The following SPRY3 variants were observed in gnomAD, a reference collection of about 807,000 sequenced individuals.
The protein encoded by SPRY3 is sprouty RTK signaling antagonist 3.
In SPRY3, 15 loss-of-function variants were observed where a neutral mutation model predicts 20.2. The observed-to-expected ratio is 0.74, with a 90% confidence interval of 0.50 to 1.14. SPRY3 has a LOEUF of 1.14. SPRY3 is among the 50% of genes most tolerant of loss of function. The probability of loss-of-function intolerance (pLI) is 0.00; values close to 1 mark genes in which losing one functional copy is unlikely to be tolerated. For synonymous variants in SPRY3, 143 were observed against 136.5 expected (o/e 1.05, Z -0.33); for missense variants, 364 against 363.9 (o/e 1.00, Z 0.00).
rs782250484 is a variant in SPRY3, at chrX:155,671,472, CT to C, written c.-282+14452del. Reference sequence around the variant, plus strand: ...GGGCTATGGCAAAATCTTTCTCTGTCTTTTTATGGGTCTCATTCCAAGTCCT... The same window carrying C: ...GGGCTATGGCAAAATCTTTCTCTGTCTTTTATGGGTCTCATTCCAAGTCCT... On this transcript the variant is annotated intron_variant, in intron 2 of 3. Coordinates refer to ENST00000675360, the Ensembl canonical transcript of SPRY3. Among the ~76,000 whole-genome samples, 8 of 111,192 alleles carry C rather than the reference CT, an allele frequency of 7.2e-5. No homozygotes were observed. In the East Asian group the frequency reaches 2.3e-3, roughly 32 times the overall value.
intron 1 of SPRY3, among the ~76,000 whole-genome samples, chrX:155,644,812 G>A (rs1230422500): frequency 9.0e-6 from 1 of 111,153 alleles, no homozygotes; most frequent in Non-Finnish European, 1.9e-5. Context: ...GACCCCAAGA[G>A]TCCACTTGGT....
intron 2 of SPRY3, among the ~76,000 whole-genome samples, chrX:155,712,817 G>A (rs1156793554): frequency 1.3e-5 from 2 of 151,122 alleles, no homozygotes; most frequent in African/African-American, 4.8e-5. Context: ...TTAATTTCTT[G>A]TTTTTTATTT....
intron 2 of SPRY3, among the ~76,000 whole-genome samples, chrX:155,761,386 TC>T (rs1319046069): frequency 2.0e-5 from 3 of 152,182 alleles, no homozygotes; most frequent in Non-Finnish European, 2.9e-5. Flanking sequence ...CAGAATTTGT[TC>T]TTTTTCATGG....
At chrX:155,616,100 G>GTCTCTCTCTCTC (rs781921618) in intron 1 of SPRY3, among the ~76,000 whole-genome samples, 2 of 42,890 alleles carry the variant, frequency 4.7e-5, no homozygotes, top group African/African-American at 1.2e-4. Flanking sequence ...TTTATCTGGG[G>GTCTCTCTCTCTC]TCTCTCTCTC....
At chrX:155,723,981 C>A (rs2091080615) in intron 2 of SPRY3, among the ~76,000 whole-genome samples, 1 of 152,106 alleles carries the variant, frequency 6.6e-6, no homozygotes, top group African/African-American at 2.4e-5. Flanking sequence ...AGGAAGGGAT[C>A]CAGTTTCAGC....
At chrX:155,634,077 CAA>C (rs782158546) in intron 1 of SPRY3, among the ~76,000 whole-genome samples, 7 of 96,953 alleles carry the variant, frequency 7.2e-5, no homozygotes, top group African/African-American at 7.5e-5. Context: ...GAGACTCCAT[CAA>C]AAAAAAAAAA....
intron 2 of SPRY3, among the ~76,000 whole-genome samples, chrX:155,729,538 A>G (rs920373093): frequency 3.9e-5 from 6 of 152,112 alleles, no homozygotes; most frequent in African/African-American, 1.4e-4. Context: ...ACAACATATG[A>G]AAACCTATGA....
intron 2 of SPRY3, among the ~76,000 whole-genome samples, chrX:155,708,395 T>G (rs951477232): frequency 3.3e-5 from 5 of 151,370 alleles, no homozygotes; most frequent in African/African-American, 7.3e-5. Context: ...TTAACAGTCA[T>G]TCCCTTATAC....
chrX:155,770,686 C>T (rs1413300809), intron 3 of SPRY3, among the ~76,000 whole-genome samples: 1 of 151,662 alleles, frequency 6.6e-6, no homozygotes, highest in Non-Finnish European at 1.5e-5. Flanking sequence ...TGGCCAACTG[C>T]ACAGTTTCTT....
chrX:155,780,831 G>A (rs2091458867), downstream of SPRY3: 1 of 166,830 alleles, frequency 6.0e-6, no homozygotes, highest in Non-Finnish European at 1.5e-5. Flanking sequence ...AAAAGTAATG[G>A]GAAGTAATAG....
At position 155,637,455 on chromosome X, in the gene SPRY3, C is replaced by T. The variant is rs782716490; in HGVS notation, c.-440-19412C>T. Among the ~76,000 whole-genome samples, 71 of 111,137 alleles carry T rather than the reference C, an allele frequency of 6.4e-4. 2 individuals carry two copies. Among genetic ancestry groups the T allele is most frequent in the Middle Eastern group, 9.3e-3 (2 of 216 alleles). On this transcript the variant is annotated intron_variant, in intron 1 of 3. Transcript: ENST00000675360. ...AGAAGGTGCTAGAGCAGTGTCAGTT[C>T]CTGCCAGTAGCAGCAGCTTAATCCA...
At chrX:155,773,309 TATATATATATATATATATA>T (rs2091394381) in intron 3 of SPRY3, among the ~76,000 whole-genome samples, 1 of 134,138 alleles carries the variant, frequency 7.5e-6, no homozygotes, top group East Asian at 2.1e-4. Context: ...TTTGATTGGA[TATATATATATATATATATA>T]TATATATATA....
At chrX:155,723,231 C>T (rs1009058338) in intron 2 of SPRY3, among the ~76,000 whole-genome samples, 15 of 151,966 alleles carry the variant, frequency 9.9e-5, no homozygotes, top group Admixed American at 2.0e-4. Flanking sequence ...TGAATAGTTC[C>T]GCAATAAACA....
At chrX:155,777,183 C>A (rs1182935474), downstream of SPRY3, 2 of 167,050 alleles carry the variant, frequency 1.2e-5, no homozygotes, top group African/African-American at 2.4e-5. Flanking sequence ...ACACACACTT[C>A]TCTGCTTCTG....
chrX:155,682,735 TA>T (rs1416866163), intron 2 of SPRY3, among the ~76,000 whole-genome samples: 1 of 107,675 alleles, frequency 9.3e-6, no homozygotes, highest in African/African-American at 3.3e-5. Context: ...TCACTCAGAC[TA>T]AAAAATACAT....
At chrX:155,686,962 G>A (rs1223156425) in intron 2 of SPRY3, among the ~76,000 whole-genome samples, 1 of 112,701 alleles carries the variant, frequency 8.9e-6, no homozygotes, top group East Asian at 2.8e-4. Flanking sequence ...CTTGAGCCAG[G>A]CTTCTGAGAT....
At chrX:155,724,025 C>T (rs2091081092) in intron 2 of SPRY3, among the ~76,000 whole-genome samples, 1 of 152,134 alleles carries the variant, frequency 6.6e-6, no homozygotes, top group Non-Finnish European at 1.5e-5. Context: ...TTCCCAACAC[C>T]ATTTATTAGA....
chrX:155,743,445 G>A (rs2124575276), intron 2 of SPRY3, among the ~76,000 whole-genome samples: 1 of 152,168 alleles, frequency 6.6e-6, no homozygotes, highest in Non-Finnish European at 1.5e-5. Flanking sequence ...ACCAGATAAG[G>A]CATGGAGATA....
At chrX:155,675,078 TATA>T (rs1557355124) in intron 2 of SPRY3, among the ~76,000 whole-genome samples, 1 of 111,769 alleles carries the variant, frequency 8.9e-6, no homozygotes, top group Non-Finnish European at 1.9e-5. Flanking sequence ...TGATGAAAAA[TATA>T]ATATGTTTCA....
Sources: allele counts gnomAD v4.1 joint callset (sites outside exome capture counted in the v4.1 genomes callset), GRCh38; gene constraint gnomAD v4.1.1; transcripts MANE v1.5; gene names NCBI Gene and HGNC (gene_info 2026-07-23, HGNC 2026-07-21).